DMRT1: variants seen among roughly 807,000 people sequenced by gnomAD.
DMRT1 encodes doublesex and mab-3 related transcription factor 1.
In DMRT1, 7 loss-of-function variants were observed where a neutral mutation model predicts 32.3. That is an observed-to-expected ratio of 0.22 (90% CI 0.12 to 0.41). DMRT1 has a LOEUF of 0.41. Among genes scored for constraint, DMRT1 ranks in the 10% least tolerant of loss-of-function variants. The pLI, the probability that DMRT1 is intolerant of heterozygous loss-of-function variation, is 1.00. For missense variants in DMRT1, 625 were observed against 500.5 expected (o/e 1.25, Z -2.37); for synonymous variants, 278 against 206.1 (o/e 1.35, Z -2.99).
chr9:967,228 T>C (rs1819957964), intron 4 of DMRT1, among the ~76,000 whole-genome samples: 1 of 151,922 alleles, frequency 6.6e-6, no homozygotes, highest in Non-Finnish European at 1.5e-5. Flanking sequence ...TTTGCTTAAG[T>C]TTTTTATCTA....
At chr9:926,684 AG>A (rs1351568648) in intron 4 of DMRT1, among the ~76,000 whole-genome samples, 1 of 55,760 alleles carries the variant, frequency 1.8e-5, no homozygotes, top group African/African-American at 6.5e-5. Flanking sequence ...GAGAAGACAC[AG>A]GTAGAGAGAG....
Position 842,145 on chromosome 9 carries a change from A to T in DMRT1, c.307A>T (p.Lys103Ter). Residue 103 changes from lysine to a stop codon, truncating the protein, a stop_gained, in exon 1 of 5, where the codon AAG (lysine) becomes TAG (stop). Transcript: ENST00000382276. LOFTEE classifies it high-confidence loss of function. ...CTGCATGTGGCGCGACTGCCAGTGC[A>T]AGAAGTGCAACCTGATCGCCGAGAG... ...RFCMWRDCQC[K>*]KCNLIAERQR... 6.5e-7 allele frequency: 1 copy of T among 1,547,298 alleles called. No individual in the cohort carries two copies. The highest frequency in any genetic ancestry group is 2.4e-5 in the East Asian group (1 of 41,462).
chr9:911,470 ATTTTTTTTTTTTTTTTTTTTTT>A (rs201141931), intron 3 of DMRT1, among the ~76,000 whole-genome samples: 974 of 66,988 alleles, frequency 0.015, 19 homozygotes, highest in African/African-American at 0.036. Context: ...GGTTAATTGC[ATTTTTTTTTTTTTTTTTTTTTT>A]TTTTTTTTTT....
At position 841,735 on chromosome 9, in the gene DMRT1, T is replaced by G. The variant is rs1838686823; in HGVS notation, c.-104T>G. The G allele has an allele frequency of 6.5e-7, 1 of 1,546,020 alleles. No individual in the cohort carries two copies. The highest frequency in any genetic ancestry group is 1.4e-5 in the African/African-American group (1 of 73,086). ...CTCCGGCTGCAGCGCACACGTCTCCTGCGCCTCCTCCTCCGGAGCGTCGCT... is the reference window on the plus strand; with the variant it reads ...CTCCGGCTGCAGCGCACACGTCTCCGGCGCCTCCTCCTCCGGAGCGTCGCT... On this transcript the variant is annotated 5_prime_UTR_variant, in exon 1 of 5. Coordinates refer to ENST00000382276, the MANE Select transcript of DMRT1 (RefSeq NM_021951.3).
chr9:869,956 A>G (rs1816162312), intron 2 of DMRT1, among the ~76,000 whole-genome samples: 1 of 152,154 alleles, frequency 6.6e-6, no homozygotes, highest in Admixed American at 6.5e-5. Flanking sequence ...CTGCGCGTGT[A>G]TATGGTAATG....
chr9:889,923 C>T (rs774404912), intron 2 of DMRT1, among the ~76,000 whole-genome samples: 5 of 152,076 alleles, frequency 3.3e-5, no homozygotes, highest in Non-Finnish European at 7.4e-5. Context: ...TTTATGACTG[C>T]ATGGTAGGAT....
chr9:910,408 T>A (rs1236022492), intron 3 of DMRT1, among the ~76,000 whole-genome samples: 1 of 152,196 alleles, frequency 6.6e-6, no homozygotes, highest in East Asian at 1.9e-4. Context: ...GATGACAATT[T>A]GGTCTTCACA....
intron 3 of DMRT1, among the ~76,000 whole-genome samples, chr9:902,916 T>C (rs1044469688): frequency 2.6e-5 from 4 of 152,152 alleles, no homozygotes; most frequent in African/African-American, 9.7e-5. Flanking sequence ...TGATTGGGCC[T>C]ACTAGGTCAG....
At chr9:863,029 A>C (rs901321126) in intron 2 of DMRT1, among the ~76,000 whole-genome samples, 2 of 151,256 alleles carry the variant, frequency 1.3e-5, no homozygotes, top group Non-Finnish European at 2.9e-5. Context: ...AAAAGTGGAG[A>C]GCTCCCTGGG....
chr9:861,267 C>G (rs1815653292), intron 2 of DMRT1, among the ~76,000 whole-genome samples: 1 of 152,022 alleles, frequency 6.6e-6, no homozygotes, highest in African/African-American at 2.4e-5. Flanking sequence ...GTGGTGATGA[C>G]TCTTAAGGAG....
chr9:892,132 T>G (rs1327734999), intron 2 of DMRT1, among the ~76,000 whole-genome samples: 1 of 152,220 alleles, frequency 6.6e-6, no homozygotes, highest in African/African-American at 2.4e-5. Context: ...GAAGACCTAG[T>G]TGTCTGTTGG....
At chr9:950,468 T>G (rs1386790689) in intron 4 of DMRT1, among the ~76,000 whole-genome samples, 1 of 152,124 alleles carries the variant, frequency 6.6e-6, no homozygotes, top group Non-Finnish European at 1.5e-5. Context: ...AGCTTGGGCA[T>G]GTTAATCTGA....
intron 4 of DMRT1, among the ~76,000 whole-genome samples, chr9:927,201 G>A (rs1374711242): frequency 1.3e-5 from 2 of 152,256 alleles, no homozygotes; most frequent in African/African-American, 4.8e-5. Flanking sequence ...CAGGAAAGGT[G>A]TGCTGTCCTT....
intron 3 of DMRT1, among the ~76,000 whole-genome samples, chr9:900,864 A>C (rs1817546187): frequency 6.6e-6 from 1 of 151,198 alleles, no homozygotes; most frequent in Non-Finnish European, 1.5e-5. Flanking sequence ...TAATTAAAAA[A>C]CTTTTTTTGT....
At chr9:859,305 G>C (rs971605841) in intron 2 of DMRT1, among the ~76,000 whole-genome samples, 10 of 152,132 alleles carry the variant, frequency 6.6e-5, no homozygotes, top group African/African-American at 2.4e-4. Flanking sequence ...TATAGGGAAC[G>C]GATGCAGGGG....
intron 4 of DMRT1, among the ~76,000 whole-genome samples, chr9:918,456 AG>A (rs1818252129): frequency 6.6e-6 from 1 of 151,660 alleles, no homozygotes; most frequent in African/African-American, 2.4e-5. Context: ...GAATTTGGAG[AG>A]GAGCGGTAGG....
chr9:854,013 G>A lies in DMRT1; in HGVS notation c.538+6870G>A, dbSNP rs545730443. 1.9e-4 allele frequency among the ~76,000 whole-genome samples: 29 copies of A among 151,604 alleles called. No individual in the cohort carries two copies. The East Asian group carries it at 4.7e-3, about 24-fold the overall frequency. On this transcript the variant is annotated intron_variant, in intron 2 of 4. Transcript: ENST00000382276. ...GACAGGGTCTCTTTTTGTTGCCCAC[G>A]CTGGTCTTGAACTCCTGGCTTCCAG...
chr9:894,282 C>A, intron 3 of DMRT1, 87 bp downstream of exon 3: 1 of 1,437,706 alleles, frequency 7.0e-7, no homozygotes, highest in Non-Finnish European at 9.7e-7. Context: ...CAGAGGCACA[C>A]ACGCACTTGT....
intron 2 of DMRT1, among the ~76,000 whole-genome samples, chr9:878,924 G>C (rs912798605): frequency 6.6e-6 from 1 of 152,124 alleles, no homozygotes; most frequent in South Asian, 2.1e-4. Flanking sequence ...TTTCAGATCC[G>C]ATCAATTACT....
Sources: allele counts gnomAD v4.1 joint callset (sites outside exome capture counted in the v4.1 genomes callset), GRCh38; gene constraint gnomAD v4.1.1; transcripts MANE v1.5; gene names NCBI Gene and HGNC (gene_info 2026-07-23, HGNC 2026-07-21).